The following REDIC1 variants were observed in gnomAD, a reference collection of about 807,000 sequenced individuals.
The protein encoded by REDIC1 is regulator of DNA class I crossover intermediates 1.
At chr12:39,744,786 C>T in the REDIC1 span, among the ~76,000 whole-genome samples, 2 of 151,850 alleles carry the variant, frequency 1.3e-5, no homozygotes, top group Non-Finnish European at 2.9e-5. Flanking sequence ...AGGTGGAAGA[C>T]AATAATTGGA....
the REDIC1 span, among the ~76,000 whole-genome samples, chr12:39,653,603 C>CTTT: frequency 1.6e-5 from 2 of 125,868 alleles, no homozygotes; most frequent in African/African-American, 3.0e-5. Flanking sequence ...TCTTCTTCTT[C>CTTT]TTTTTTTTTT....
chr12:39,866,561 C>A, the REDIC1 span, among the ~76,000 whole-genome samples: 1 of 152,030 alleles, frequency 6.6e-6, no homozygotes, highest in African/African-American at 2.4e-5. Context: ...TCACTGCAGG[C>A]TCCGCCCCCC....
the REDIC1 span, among the ~76,000 whole-genome samples, chr12:39,826,648 T>G: frequency 6.6e-6 from 1 of 151,164 alleles, no homozygotes; most frequent in African/African-American, 2.4e-5. Flanking sequence ...ATTAGAAGGC[T>G]TTTTTCTAAA....
the REDIC1 span, among the ~76,000 whole-genome samples, chr12:39,825,549 G>A: frequency 6.6e-6 from 1 of 152,084 alleles, no homozygotes; most frequent in Non-Finnish European, 1.5e-5. Flanking sequence ...TTCGGAATTG[G>A]TTCTGGAAAG....
chr12:39,860,519 T>C, the REDIC1 span, among the ~76,000 whole-genome samples: 2 of 152,190 alleles, frequency 1.3e-5, no homozygotes, highest in Non-Finnish European at 2.9e-5. Context: ...GGGCCAGTTT[T>C]CCCAAATACC....
chr12:39,753,757 T>A, the REDIC1 span, among the ~76,000 whole-genome samples: 1 of 152,190 alleles, frequency 6.6e-6, no homozygotes, highest in East Asian at 1.9e-4. Flanking sequence ...CCTTACTATA[T>A]GCTACTGCTC....
the REDIC1 span, among the ~76,000 whole-genome samples, chr12:39,711,868 C>CATGCATGTGTATATCTGT: frequency 5.3e-5 from 3 of 56,900 alleles, no homozygotes; most frequent in Admixed American, 4.3e-4. Flanking sequence ...TGTGTATACA[C>CATGCATGTGTATATCTGT]GTATACACAT....
At chr12:39,669,333 G>T in the REDIC1 span, among the ~76,000 whole-genome samples, 2 of 152,302 alleles carry the variant, frequency 1.3e-5, no homozygotes, top group Non-Finnish European at 2.9e-5. Context: ...GACCCTGTTT[G>T]CCTGGGTATC....
chr12:39,897,884 C>T, the REDIC1 span, among the ~76,000 whole-genome samples: 2 of 151,744 alleles, frequency 1.3e-5, no homozygotes, highest in African/African-American at 2.4e-5. Flanking sequence ...CATAAAAATA[C>T]AATATATAAG....
At chr12:39,626,221 C>G in the REDIC1 span, 1 of 1,113,480 alleles carries the variant, frequency 9.0e-7, no homozygotes, top group African/African-American at 1.6e-5. Context: ...GGAGCTTACT[C>G]GGGCCCTGAC....
chr12:39,657,436 G>C, the REDIC1 span, among the ~76,000 whole-genome samples: 1 of 152,148 alleles, frequency 6.6e-6, no homozygotes, highest in South Asian at 2.1e-4. Context: ...ATGTATTCTT[G>C]TTGTAAAGTG....
At chr12:39,870,017 C>A in the REDIC1 span, among the ~76,000 whole-genome samples, 1 of 152,124 alleles carries the variant, frequency 6.6e-6, no homozygotes, top group Non-Finnish European at 1.5e-5. Flanking sequence ...CTATTCAAAT[C>A]CAAACAGTCT....
At chr12:39,839,516 C>T in the REDIC1 span, among the ~76,000 whole-genome samples, 18 of 152,116 alleles carry the variant, frequency 1.2e-4, no homozygotes, top group South Asian at 2.9e-3. Context: ...ATGGGTAACT[C>T]GGAGCACTTT....
At chr12:39,858,398 C>T in the REDIC1 span, among the ~76,000 whole-genome samples, 4 of 152,040 alleles carry the variant, frequency 2.6e-5, no homozygotes, top group Non-Finnish European at 4.4e-5. Flanking sequence ...TTAGCTTGTG[C>T]CACCATGCCA....
chr12:39,803,502 A>G, the REDIC1 span, among the ~76,000 whole-genome samples: 4 of 152,174 alleles, frequency 2.6e-5, no homozygotes, highest in African/African-American at 9.6e-5. Context: ...CTACTGTAAA[A>G]ACCTTCAGAT....
the REDIC1 span, among the ~76,000 whole-genome samples, chr12:39,848,810 G>A: frequency 1.2e-4 from 19 of 152,218 alleles, no homozygotes; most frequent in East Asian, 3.1e-3. Flanking sequence ...AGAAAATGTG[G>A]TACATATACA....
chr12:39,725,231 A>G, the REDIC1 span, among the ~76,000 whole-genome samples: 1 of 152,178 alleles, frequency 6.6e-6, no homozygotes, highest in Non-Finnish European at 1.5e-5. Flanking sequence ...TGCTGACAAA[A>G]TAATTGTCAT....
the REDIC1 span, among the ~76,000 whole-genome samples, chr12:39,705,358 T>C: frequency 6.6e-6 from 1 of 152,054 alleles, no homozygotes; most frequent in East Asian, 1.9e-4. Flanking sequence ...ACTTGAAGGC[T>C]TCACTGCTGA....
At chr12:39,784,252 A>G in the REDIC1 span, among the ~76,000 whole-genome samples, 1,522 of 152,328 alleles carry the variant, frequency 1.0e-2, 36 homozygotes, top group African/African-American at 0.034. Context: ...ACCAAAAAAG[A>G]GCCCGCATTG....
Sources: allele counts gnomAD v4.1 joint callset (sites outside exome capture counted in the v4.1 genomes callset), GRCh38; gene constraint gnomAD v4.1.1; transcripts MANE v1.5; gene names NCBI Gene and HGNC (gene_info 2026-07-23, HGNC 2026-07-21).